Variants in LYPD1 observed in about 807,000 individuals in gnomAD.
LYPD1 encodes the protein LY6/PLAUR domain containing 1.
In LYPD1, 14 loss-of-function variants were observed where a neutral mutation model predicts 14.2. That is an observed-to-expected ratio of 0.99 (90% CI 0.65 to 1.54). The LOEUF (loss-of-function observed/expected upper bound fraction) is 1.54, where lower values mean the gene tolerates loss of function less well. LYPD1 is among the 40% of genes most tolerant of loss of function. LYPD1 has a pLI of 0.00. For synonymous variants in LYPD1, 85 were observed against 70.6 expected (o/e 1.20, Z -1.02); for missense variants, 165 against 175.7 (o/e 0.94, Z 0.34).
In LYPD1 at chr2:132,647,592, A is replaced by AAAT. The variant is rs1409992095; in HGVS notation, c.191-1315_191-1313dup. Among the ~76,000 whole-genome samples, 3 of 152,352 alleles carry AAAT rather than the reference A, an allele frequency of 2.0e-5. No homozygotes were observed. The East Asian group carries it at 5.8e-4, about 29-fold the overall frequency. Reference sequence around the variant, plus strand: ...GTGATCCGCCTGCCTCAGCCTCGCAAAATGCTGGGATTACAGGCATGAGCC... The same window carrying AAAT: ...GTGATCCGCCTGCCTCAGCCTCGCAAAATAATGCTGGGATTACAGGCATGAGCC... On this transcript the variant is annotated intron_variant, in intron 2 of 2. Coordinates refer to ENST00000397463, the MANE Select transcript of LYPD1 (RefSeq NM_144586.7).
Position 132,644,378 on chromosome 2 carries a change from C to G in LYPD1, c.*1667G>C, listed in dbSNP as rs1681942533. Among the ~76,000 whole-genome samples the G allele has an allele frequency of 6.6e-6, 1 of 152,180 alleles. No homozygotes were observed. The highest frequency in any genetic ancestry group is 2.4e-5 in the African/African-American group (1 of 41,448). ...GGAAGGGAACATGTTACTGGCTGAA[C>G]TAGAAGGAAGTTTTATATTTGCCAT... On this transcript the variant is annotated 3_prime_UTR_variant, in exon 3 of 3. Transcript: ENST00000397463.
rs1681961000 is a variant in LYPD1 at position 132,644,775 on chromosome 2, T to TG, written c.*1269dup. On this transcript the variant is annotated 3_prime_UTR_variant, in exon 3 of 3. Coordinates refer to ENST00000397463, the MANE Select transcript of LYPD1 (RefSeq NM_144586.7). Reference sequence around the variant, plus strand: ...GACAAAACCAGATTTATGGATAACATGAACTGCTTTCTGGATACGCAAACA... The same window carrying TG: ...GACAAAACCAGATTTATGGATAACATGGAACTGCTTTCTGGATACGCAAACA... 3.5e-6 allele frequency: 1 copy of TG among 283,832 alleles called. No individual in the cohort carries two copies. The highest frequency in any genetic ancestry group is 2.2e-5 in the African/African-American group (1 of 45,032). The allele number at this position is 283,832 out of a possible 1,614,324, so 17.6% of individuals were successfully genotyped here.
At chr2:132,665,404 T>G (rs1325215735) in intron 2 of LYPD1, among the ~76,000 whole-genome samples, 2 of 152,192 alleles carry the variant, frequency 1.3e-5, no homozygotes, top group African/African-American at 4.8e-5. Flanking sequence ...GCACTCAAAC[T>G]TAAAAATCTC....
Position 132,645,739 on chromosome 2 carries a change from C to T in LYPD1, c.*306G>A. The T allele has an allele frequency of 7.9e-7, 1 of 1,258,156 alleles. No individual in the cohort carries two copies. Among genetic ancestry groups the T allele is most frequent in the Non-Finnish European group, 1.1e-6 (1 of 924,272 alleles). 77.9% of individuals were successfully genotyped at this position (1,258,156 alleles called of 1,614,324 possible). On this transcript the variant is annotated 3_prime_UTR_variant, in exon 3 of 3. Transcript: ENST00000397463. ...CTGGAGGCTTTACAAAAGGCAGATGCCCACCTCAGTGACTTCTAAGGACTG... is the reference window on the plus strand; with the variant it reads ...CTGGAGGCTTTACAAAAGGCAGATGTCCACCTCAGTGACTTCTAAGGACTG...
At chr2:132,649,908 G>T (rs988347273) in intron 2 of LYPD1, among the ~76,000 whole-genome samples, 1 of 151,904 alleles carries the variant, frequency 6.6e-6, no homozygotes, top group Admixed American at 6.6e-5. Flanking sequence ...AGTTGTAAAG[G>T]CTATTCTATG....
Position 132,645,081 on chromosome 2 carries a change from T to G in LYPD1, c.*964A>C. 1 of 1,597,408 alleles carries G rather than the reference T, an allele frequency of 6.3e-7. No individual in the cohort carries two copies. The stretch of plus-strand genomic sequence containing the variant: ...TGTTTTTCTTTTCTCTGTCTCTCCC[T>G]CCTGCTCGTGTCTGCCCAGGGCTGA... On this transcript the variant is annotated 3_prime_UTR_variant, in exon 3 of 3. Coordinates refer to ENST00000397463, the MANE Select transcript of LYPD1 (RefSeq NM_144586.7).
At chr2:132,651,335 G>A (rs1434462860) in intron 2 of LYPD1, among the ~76,000 whole-genome samples, 2 of 152,178 alleles carry the variant, frequency 1.3e-5, no homozygotes, top group African/African-American at 4.8e-5. Flanking sequence ...AGAGCCACCA[G>A]GAGCTGCCCC....
intron 2 of LYPD1, among the ~76,000 whole-genome samples, chr2:132,646,801 C>CTGAGT (rs1266362353): frequency 9.8e-5 from 15 of 152,312 alleles, no homozygotes; most frequent in Middle Eastern, 3.4e-3. Flanking sequence ...TGAATGGGCC[C>CTGAGT]TGAGTTTTCC....
intron 1 of LYPD1, among the ~76,000 whole-genome samples, chr2:132,668,872 TGCGTTA>T (rs1683453934): frequency 6.6e-6 from 1 of 152,254 alleles, no homozygotes; most frequent in African/African-American, 2.4e-5. Flanking sequence ...TCTGGAGATG[TGCGTTA>T]GCTCCAGCCT....
At chr2:132,671,272 G>A (rs570941558), upstream of LYPD1, 1 of 152,528 alleles carries the variant, frequency 6.6e-6, no homozygotes, top group Admixed American at 6.5e-5. Flanking sequence ...CCGCCGGAGT[G>A]CGTTGGTGCC....
intron 2 of LYPD1, among the ~76,000 whole-genome samples, chr2:132,661,999 G>C (rs1682975925): frequency 6.6e-6 from 1 of 150,876 alleles, no homozygotes; most frequent in Admixed American, 6.6e-5. Context: ...CCCACTGGCT[G>C]TGTGATCTTG....
intron 2 of LYPD1, 74 bp from the exon 3 acceptor site, chr2:132,646,354 C>CA: frequency 1.9e-6 from 2 of 1,035,636 alleles, no homozygotes; most frequent in Non-Finnish European, 2.6e-6. Flanking sequence ...AGCCCAAATC[C>CA]AAACGGACAG....
At position 132,669,281 on chromosome 2, in the gene LYPD1, T is replaced by TTCC. The variant is rs1683486576; in HGVS notation, c.52+597_52+599dup. Among the ~76,000 whole-genome samples, 1 of 152,056 alleles carries TTCC rather than the reference T, an allele frequency of 6.6e-6. No individual in the cohort carries two copies. Among genetic ancestry groups the TTCC allele is most frequent in the Non-Finnish European group, 1.5e-5 (1 of 68,016 alleles). On this transcript the variant is annotated intron_variant, in intron 1 of 2. Coordinates refer to ENST00000397463, the MANE Select transcript of LYPD1 (RefSeq NM_144586.7). This position sits in a 1 kb window ranked among gnomAD's most constrained non-coding sequence, Gnocchi z 4.3. ...GTTCGACTAGGGTCAGTGGTCGGGG[T>TTCC]TCCAGCTCTGCAGAGCTTAGTCGGG...
rs1261661708 is a variant in LYPD1, at chr2:132,669,316, G to A, written c.52+565C>T. Reference sequence around the variant, plus strand: ...GCAGAGCTTAGTCGGGAGCCAGTAGGCGAACTGGAGAGAGGACGCGAGACC... The same window carrying A: ...GCAGAGCTTAGTCGGGAGCCAGTAGACGAACTGGAGAGAGGACGCGAGACC... On this transcript the variant is annotated intron_variant, in intron 1 of 2. Coordinates refer to ENST00000397463, the MANE Select transcript of LYPD1 (RefSeq NM_144586.7). The surrounding 1 kb of genome is among the most constrained non-coding windows in gnomAD (Gnocchi z 4.3). Among the ~76,000 whole-genome samples, 1 of 152,070 alleles carries A rather than the reference G, an allele frequency of 6.6e-6. No homozygotes were observed. The highest frequency in any genetic ancestry group is 2.4e-5 in the African/African-American group (1 of 41,410).
At chr2:132,668,363 G>A (rs767619411) in intron 2 of LYPD1, 37 bp downstream of exon 2, 1 of 1,586,006 alleles carries the variant, frequency 6.3e-7, no homozygotes, top group Admixed American at 1.8e-5. Flanking sequence ...CCACAGCCCA[G>A]GCTTAAGAGC....
Position 132,645,074 on chromosome 2 carries a change from C to A in LYPD1, c.*971G>T. 6.3e-7 allele frequency: 1 copy of A among 1,587,654 alleles called. No homozygotes were observed. The highest frequency in any genetic ancestry group is 8.6e-7 in the Non-Finnish European group (1 of 1,165,898). Reference sequence around the variant, plus strand: ...CATGCTGTGTTTTTCTTTTCTCTGTCTCTCCCTCCTGCTCGTGTCTGCCCA... The same window carrying A: ...CATGCTGTGTTTTTCTTTTCTCTGTATCTCCCTCCTGCTCGTGTCTGCCCA... On this transcript the variant is annotated 3_prime_UTR_variant, in exon 3 of 3. Coordinates refer to ENST00000397463, the MANE Select transcript of LYPD1 (RefSeq NM_144586.7).
chr2:132,668,614 C>A, intron 1 of LYPD1, 77 bp from the exon 2 acceptor site: 2 of 1,555,820 alleles, frequency 1.3e-6, no homozygotes, highest in East Asian at 2.4e-5. Context: ...TCCCACGCCT[C>A]AGAGCCAGGC....
chr2:132,645,827 C>T lies in LYPD1; in HGVS notation c.*218G>A, dbSNP rs1208897696. The stretch of plus-strand genomic sequence containing the variant: ...ATGGGGGTGAACTTTCACTCCACCT[C>T]CTTCCTTCAAGTACATACTGAAAAT... On this transcript the variant is annotated 3_prime_UTR_variant, in exon 3 of 3. Transcript: ENST00000397463. The T allele has an allele frequency of 5.1e-5, 35 of 685,052 alleles. No homozygotes were observed. Among genetic ancestry groups the T allele is most frequent in the Non-Finnish European group, 7.4e-5 (31 of 418,976 alleles). 42.4% of individuals were successfully genotyped at this position (685,052 alleles called of 1,614,324 possible).
intron 2 of LYPD1, among the ~76,000 whole-genome samples, chr2:132,656,566 A>G (rs939769663): frequency 6.6e-6 from 1 of 152,204 alleles, no homozygotes; most frequent in Non-Finnish European, 1.5e-5. Flanking sequence ...GAATTTTGAC[A>G]TTCTCTGCAT....
Sources: allele counts gnomAD v4.1 joint callset (sites outside exome capture counted in the v4.1 genomes callset), GRCh38; gene constraint gnomAD v4.1.1; non-coding constraint Gnocchi (gnomAD v3.1); transcripts MANE v1.5; gene names NCBI Gene and HGNC (gene_info 2026-07-23, HGNC 2026-07-21).